Variants in PARD3 observed in about 807,000 individuals in gnomAD.
PARD3 encodes par-3 family cell polarity regulator, also known as partitioning defective 3 homolog.
In PARD3, 75 loss-of-function variants were observed where a neutral mutation model predicts 155.4. The ratio of observed to expected loss-of-function variants is 0.48; its 90% CI spans 0.40 to 0.58. PARD3 has a LOEUF of 0.58. Among genes scored for constraint, PARD3 ranks in the 20% least tolerant of loss-of-function variants. The pLI, the probability that PARD3 is intolerant of heterozygous loss-of-function variation, is 0.00. For missense variants in PARD3, 1,642 were observed against 1,721.7 expected (o/e 0.95, Z 0.82); for synonymous variants, 576 against 610.5 (o/e 0.94, Z 0.83).
intron 2 of PARD3, among the ~76,000 whole-genome samples, chr10:34,669,778 TA>T (rs893171515): frequency 8.6e-5 from 13 of 151,850 alleles, no homozygotes; most frequent in East Asian, 5.8e-4. Flanking sequence ...AAATGTGATT[TA>T]AAAAAAAATT....
intron 2 of PARD3, among the ~76,000 whole-genome samples, chr10:34,636,058 GGAAGGAAGAAGGAAGGAAGGAA>G (rs1463263464): frequency 4.6e-5 from 7 of 151,548 alleles, no homozygotes; most frequent in Admixed American, 2.0e-4. Context: ...AAAGAAGAAA[GGAAGGAAGAAGGAAGGAAGGAA>G]GAAGGAAGAA....
intron 22 of PARD3, among the ~76,000 whole-genome samples, chr10:34,165,537 T>C (rs1805053327): frequency 6.6e-6 from 1 of 152,232 alleles, no homozygotes; most frequent in Non-Finnish European, 1.5e-5. Flanking sequence ...CGCTTTGTTC[T>C]TGCACAAGGC....
At chr10:34,182,726 T>C (rs827476) in intron 22 of PARD3, among the ~76,000 whole-genome samples, 30,077 of 147,086 alleles carry the variant, frequency 0.2, 3,696 homozygotes, top group Non-Finnish European at 0.26. Context: ...TTGGTTTAGC[T>C]TCAAACTACA....
At chr10:34,474,853 C>T (rs2078604506) in intron 3 of PARD3, among the ~76,000 whole-genome samples, 1 of 152,122 alleles carries the variant, frequency 6.6e-6, no homozygotes, top group African/African-American at 2.4e-5. Flanking sequence ...GAAATCATAT[C>T]CTGATTTTAA....
intron 4 of PARD3, among the ~76,000 whole-genome samples, chr10:34,452,058 T>C (rs1271758230): frequency 1.3e-5 from 2 of 152,086 alleles, no homozygotes; most frequent in African/African-American, 4.8e-5. Flanking sequence ...TGACAGAACC[T>C]TATGTGTCGA....
intron 1 of PARD3, among the ~76,000 whole-genome samples, chr10:34,771,723 A>G (rs1386985889): frequency 6.6e-6 from 1 of 152,238 alleles, no homozygotes; most frequent in Non-Finnish European, 1.5e-5. Flanking sequence ...ACAAAGACAC[A>G]CACATGTTCA....
At chr10:34,769,398 C>A (rs1838543507) in intron 1 of PARD3, among the ~76,000 whole-genome samples, 1 of 152,094 alleles carries the variant, frequency 6.6e-6, no homozygotes, top group Non-Finnish European at 1.5e-5. Context: ...TCGACACTGC[C>A]AAAAAACACA....
intron 2 of PARD3, among the ~76,000 whole-genome samples, chr10:34,656,041 GCTCA>G (rs1439490070): frequency 6.6e-6 from 1 of 152,078 alleles, no homozygotes; most frequent in Non-Finnish European, 1.5e-5. Context: ...CTTGGGAATG[GCTCA>G]CTCACATACT....
intron 18 of PARD3, among the ~76,000 whole-genome samples, chr10:34,335,665 C>T (rs1041480141): frequency 1.3e-5 from 2 of 151,998 alleles, no homozygotes; most frequent in African/African-American, 4.8e-5. Context: ...ATAGTCTAAT[C>T]CAACGTCAGG....
Position 34,382,628 on chromosome 10 carries a change from C to G in PARD3, c.1311G>C (p.Ser437=), listed in dbSNP as rs576814620. ...TCGTACTAAATACATTCTGAGGTGCCGAGGCTGGAGCGGATGGTGGTTTTC... is the reference window on the plus strand; with the variant it reads ...TCGTACTAAATACATTCTGAGGTGCGGAGGCTGGAGCGGATGGTGGTTTTC... ...PSGKPPSAPA[S]APQNVFSTTV... Residue 437 remains serine (S), a synonymous_variant, in exon 9 of 25, where the codon TCG becomes TCC. Coordinates refer to ENST00000374788, the MANE Select transcript of PARD3 (RefSeq NM_001184785.2). 1.2e-6 allele frequency: 2 copies of G among 1,613,870 alleles called. No homozygotes were observed. The highest frequency in any genetic ancestry group is 1.7e-6 in the Non-Finnish European group (2 of 1,180,012).
At chr10:34,339,926 C>T (rs531846255) in intron 16 of PARD3, among the ~76,000 whole-genome samples, 78 of 152,272 alleles carry the variant, frequency 5.1e-4, no homozygotes, top group Admixed American at 1.9e-3. Context: ...CATATCCTGA[C>T]CCCTAATGTT....
Position 34,687,846 on chromosome 10 carries a change from CTTTTT to C in PARD3, c.222+8467_222+8471del, listed in dbSNP as rs397846339. ...ATGCCCGGTCAGTTACACCTGAAAT[CTTTTT>C]TTTTTTTTTTTTTTTTTTTTTGAGA... On this transcript the variant is annotated intron_variant, in intron 2 of 24. Coordinates refer to ENST00000374788, the MANE Select transcript of PARD3 (RefSeq NM_001184785.2). 9.7e-4 allele frequency among the ~76,000 whole-genome samples: 62 copies of C among 63,712 alleles called. 1 individual carries two copies. The highest frequency in any genetic ancestry group is 3.9e-3 in the African/African-American group (54 of 13,812). The allele number at this position is 63,712 out of a possible 152,430, so 41.8% of individuals were successfully genotyped here. A position where few individuals can be genotyped will look rare whatever the true frequency, so the allele number is the denominator to read the frequency against.
At chr10:34,224,263 G>A (rs1564496504) in intron 22 of PARD3, among the ~76,000 whole-genome samples, 1 of 152,204 alleles carries the variant, frequency 6.6e-6, no homozygotes, top group Non-Finnish European at 1.5e-5. Context: ...TGCTTAAGTT[G>A]ACAATATGGA....
intron 22 of PARD3, among the ~76,000 whole-genome samples, chr10:34,230,903 A>G (rs60003890): frequency 0.018 from 2,673 of 152,102 alleles, 119 homozygotes; most frequent in African/African-American, 0.062. Flanking sequence ...GGGTGAGGAT[A>G]CAGTCCCAGC....
chr10:34,473,899 T>C (rs1296132486), intron 3 of PARD3, among the ~76,000 whole-genome samples: 1 of 152,240 alleles, frequency 6.6e-6, no homozygotes, highest in Non-Finnish European at 1.5e-5. Context: ...ACCCCTGCTC[T>C]GCAGAAGCAG....
At chr10:34,609,640 T>C (rs570865802) in intron 2 of PARD3, among the ~76,000 whole-genome samples, 2 of 152,302 alleles carry the variant, frequency 1.3e-5, no homozygotes, top group South Asian at 4.1e-4. Context: ...ACTCCTGGAC[T>C]CCAGTGATCC....
chr10:34,134,405 GTT>G (rs1393580877), intron 22 of PARD3, among the ~76,000 whole-genome samples: 1 of 152,304 alleles, frequency 6.6e-6, no homozygotes, highest in East Asian at 1.9e-4. Context: ...AGCACAGAGA[GTT>G]TTAAGCCCAT....
At chr10:34,726,724 C>T (rs767843420) in intron 1 of PARD3, among the ~76,000 whole-genome samples, 1 of 151,514 alleles carries the variant, frequency 6.6e-6, no homozygotes, top group East Asian at 1.9e-4. Flanking sequence ...GAATGCACCA[C>T]TGCACTCCAG....
In PARD3 at chr10:34,337,438, A is replaced by AAAAAAT; in HGVS notation, c.2409-18_2409-13dup. Reference sequence around the variant, plus strand: ...CTGGACTCAAAGAGCTGGAGTGAAGAAAAAATAAAAATAAAAATATTTACT... The same window carrying AAAAAAT: ...CTGGACTCAAAGAGCTGGAGTGAAGAAAAAATAAAAATAAAAATAAAAATATTTACT... On this transcript the variant is annotated splice_polypyrimidine_tract_variant and intron_variant, in intron 16 of 24. Coordinates refer to ENST00000374788, the MANE Select transcript of PARD3 (RefSeq NM_001184785.2). 1 of 1,525,330 alleles carries AAAAAAT rather than the reference A, an allele frequency of 6.6e-7. No individual in the cohort carries two copies. The highest frequency in any genetic ancestry group is 8.8e-7 in the Non-Finnish European group (1 of 1,140,474). 94.5% of individuals were successfully genotyped at this position (1,525,330 alleles called of 1,614,324 possible).
Sources: gnomAD v4.1 joint callset for allele counts (sites outside exome capture counted in the v4.1 genomes callset) on GRCh38, gnomAD v4.1.1 for gene constraint, MANE v1.5 for transcripts, NCBI Gene and HGNC (gene_info 2026-07-23, HGNC 2026-07-21) for gene names.